RBFOX1: variants seen among roughly 807,000 people sequenced by gnomAD.
RBFOX1 encodes RNA binding protein fox-1 homolog 1.
In RBFOX1, 8 loss-of-function variants were observed where a neutral mutation model predicts 57.7. The observed-to-expected ratio is 0.14, with a 90% CI of 0.08 to 0.25. The LOEUF is 0.25. Ranked by LOEUF, RBFOX1 falls within the 10% of genes least tolerant of loss-of-function variation. The pLI is 1.00. For missense variants in RBFOX1, 611 were observed against 548.5 expected, an observed-to-expected ratio of 1.11 and a Z score of -1.14; for synonymous variants, 326 against 222.4, an observed-to-expected ratio of 1.47 and a Z score of -4.15.
intron 4 of RBFOX1, among the ~76,000 whole-genome samples, chr16:7,076,576 C>G (rs976085608): frequency 1.3e-5 from 2 of 152,186 alleles, no homozygotes; most frequent in South Asian, 2.1e-4. Context: ...CCTGCAGATA[C>G]TTGAATTTCT....
chr16:7,023,806 G>A (rs1465220050), intron 3 of RBFOX1, among the ~76,000 whole-genome samples: 1 of 151,942 alleles, frequency 6.6e-6, no homozygotes, highest in Non-Finnish European at 1.5e-5. Flanking sequence ...TGAACACTCT[G>A]GAGTAGGCTG....
At chr16:7,191,340 A>G (rs1296955478) in intron 4 of RBFOX1, among the ~76,000 whole-genome samples, 4 of 34,854 alleles carry the variant, frequency 1.1e-4, no homozygotes, top group Non-Finnish European at 2.6e-4. Flanking sequence ...ACAAAAAAAG[A>G]AAAAAAAAAA....
chr16:5,939,538 G>A (rs8045408), intron 4 of RBFOX1, among the ~76,000 whole-genome samples: 44,222 of 152,050 alleles, frequency 0.29, 6,601 homozygotes, highest in Admixed American at 0.36. Context: ...GCTGCTGGCC[G>A]CCCTTCAGAG....
chr16:6,716,008 T>G (rs1453007308), intron 3 of RBFOX1, among the ~76,000 whole-genome samples: 1 of 104,628 alleles, frequency 9.6e-6, no homozygotes, highest in African/African-American at 3.9e-5. Context: ...GCCATTAACT[T>G]CACAGCCTAC....
intron 3 of RBFOX1, among the ~76,000 whole-genome samples, chr16:5,619,362 C>T (rs1157568818): frequency 6.6e-6 from 1 of 152,124 alleles, no homozygotes; most frequent in Non-Finnish European, 1.5e-5. Flanking sequence ...GCATGTTCAA[C>T]ATGAGATTAA....
At chr16:6,368,051 A>G (rs2795549) in intron 2 of RBFOX1, among the ~76,000 whole-genome samples, 18,120 of 151,976 alleles carry the variant, frequency 0.12, 3,593 homozygotes, top group African/African-American at 0.41. Flanking sequence ...TGTCTTGGTC[A>G]CCCCCTCACA....
chr16:5,521,110 G>C (rs1597383747), intron 2 of RBFOX1, among the ~76,000 whole-genome samples: 1 of 152,162 alleles, frequency 6.6e-6, no homozygotes, highest in East Asian at 1.9e-4. Flanking sequence ...AGAAAAATAA[G>C]CCCCTATCTG....
chr16:6,825,385 C>T (rs1226722812), intron 3 of RBFOX1, among the ~76,000 whole-genome samples: 2 of 151,760 alleles, frequency 1.3e-5, no homozygotes, highest in Admixed American at 1.3e-4. Flanking sequence ...ACTTAAAATT[C>T]ACGAATTAAC....
At chr16:7,529,591 A>G (rs2152352019) in intron 5 of RBFOX1, among the ~76,000 whole-genome samples, 1 of 152,298 alleles carries the variant, frequency 6.6e-6, no homozygotes, top group African/African-American at 2.4e-5. Context: ...TTTCTTCTTA[A>G]GAATAGCAGC....
intron 4 of RBFOX1, among the ~76,000 whole-genome samples, chr16:7,318,790 C>A (rs1358686452): frequency 2.0e-5 from 3 of 152,132 alleles, no homozygotes; most frequent in East Asian, 1.9e-4. Flanking sequence ...ACCCACCCCC[C>A]ATCTCTCCAT....
chr16:7,476,339 A>G (rs2062699987), intron 4 of RBFOX1, among the ~76,000 whole-genome samples: 1 of 152,144 alleles, frequency 6.6e-6, no homozygotes, highest in South Asian at 2.1e-4. Flanking sequence ...CCCTTTCCTT[A>G]ATGCTTTCTT....
chr16:7,154,980 T>C (rs980464397), intron 4 of RBFOX1, among the ~76,000 whole-genome samples: 1 of 152,094 alleles, frequency 6.6e-6, no homozygotes. Flanking sequence ...CAGAATAATA[T>C]TTTGACTTGA....
At chr16:6,945,987 C>A (rs1354388102) in intron 3 of RBFOX1, among the ~76,000 whole-genome samples, 1 of 152,324 alleles carries the variant, frequency 6.6e-6, no homozygotes, top group South Asian at 2.1e-4. Context: ...TGTCTTTTGG[C>A]CTGAGGTCTT....
At chr16:7,595,986 A>C (rs557686645) in intron 8 of RBFOX1, among the ~76,000 whole-genome samples, 1 of 151,694 alleles carries the variant, frequency 6.6e-6, no homozygotes. Flanking sequence ...AACAAAATAC[A>C]GAACAGTTTC....
intron 4 of RBFOX1, among the ~76,000 whole-genome samples, chr16:7,106,438 AG>A (rs1209954259): frequency 6.6e-6 from 1 of 152,184 alleles, no homozygotes; most frequent in African/African-American, 2.4e-5. Context: ...AAACAGAGAA[AG>A]AAAAAAACAC....
At position 5,259,275 on chromosome 16, in the gene RBFOX1, T is replaced by C. The variant is rs537804853; in HGVS notation, c.219+19170T>C. Reference sequence around the variant, plus strand: ...TATGTGTGTGTGGGTGCTTATTAAATACACCAATTCCTGGAGCTCACTCCC... The same window carrying C: ...TATGTGTGTGTGGGTGCTTATTAAACACACCAATTCCTGGAGCTCACTCCC... On this transcript the variant is annotated intron_variant, in intron 1 of 2. Coordinates refer to the RBFOX1 transcript ENST00000585867. Among the ~76,000 whole-genome samples the C allele has an allele frequency of 1.2e-3, 176 of 152,228 alleles. 1 individual carries two copies. Among genetic ancestry groups the C allele is most frequent in the African/African-American group, 4.0e-3 (166 of 41,548 alleles).
chr16:6,638,154 T>C (rs1171073079), intron 2 of RBFOX1, among the ~76,000 whole-genome samples: 1 of 152,302 alleles, frequency 6.6e-6, no homozygotes, highest in East Asian at 1.9e-4. Flanking sequence ...AATGGGATTA[T>C]TTTTAATTGT....
chr16:5,445,752 T>G (rs1021480915), intron 1 of RBFOX1, among the ~76,000 whole-genome samples: 1 of 152,236 alleles, frequency 6.6e-6, no homozygotes, highest in Non-Finnish European at 1.5e-5. Flanking sequence ...TCAGCTAATT[T>G]GGATCATTGC....
intron 3 of RBFOX1, among the ~76,000 whole-genome samples, chr16:5,613,049 A>G (rs1282617449): frequency 6.6e-6 from 1 of 152,158 alleles, no homozygotes; most frequent in East Asian, 1.9e-4. Flanking sequence ...AATGGGACTA[A>G]GGCTAGGGGA....
Sources: allele counts gnomAD v4.1 joint callset (sites outside exome capture counted in the v4.1 genomes callset), GRCh38; gene constraint gnomAD v4.1.1; transcripts MANE v1.5; gene names NCBI Gene and HGNC (gene_info 2026-07-23, HGNC 2026-07-21).